Variants in KSR1 observed in about 807,000 individuals in gnomAD.
The protein encoded by KSR1 is kinase suppressor of ras.
In KSR1, 35 loss-of-function variants were observed where a neutral mutation model predicts 92.9. The ratio of observed to expected loss-of-function variants is 0.38; its 90% CI spans 0.29 to 0.50. The LOEUF is 0.50. Ranked by LOEUF, KSR1 falls within the 20% of genes least tolerant of loss-of-function variation. The pLI, the probability that KSR1 is intolerant of heterozygous loss-of-function variation, is 0.94. For missense variants in KSR1, 972 were observed against 1,158.5 expected (o/e 0.84, Z 2.34); for synonymous variants, 467 against 472.6 (o/e 0.99, Z 0.15).
chr17:27,509,391 C>T (rs576040889), intron 1 of KSR1, among the ~76,000 whole-genome samples: 62 of 151,882 alleles, frequency 4.1e-4, no homozygotes, highest in African/African-American at 1.3e-3. Flanking sequence ...CCCGGGTTCA[C>T]GCCATTCTCC....
At chr17:27,533,724 A>G (rs563222106) in intron 1 of KSR1, among the ~76,000 whole-genome samples, 1 of 152,282 alleles carries the variant, frequency 6.6e-6, no homozygotes, top group Non-Finnish European at 1.5e-5. Flanking sequence ...TCTGCCGTTG[A>G]ATCTATGGAT....
intron 1 of KSR1, among the ~76,000 whole-genome samples, chr17:27,485,718 G>T (rs1393140814): frequency 1.3e-5 from 2 of 152,234 alleles, no homozygotes; most frequent in South Asian, 2.1e-4. Flanking sequence ...CATCAATAGG[G>T]CTTGTGCACA....
chr17:27,559,458 T>C lies in KSR1; in HGVS notation c.372+8750T>C, dbSNP rs958209254. On this transcript the variant is annotated intron_variant, in intron 2 of 20. Transcript: ENST00000644974. The surrounding 1 kb of genome is among the most constrained non-coding windows in gnomAD (Gnocchi z 4.2). ...CAGTGTGGCAGCCCTTAGCCATATG[T>C]GGCTTGGGGACACTTGAAATGTGTA... Among the ~76,000 whole-genome samples, 4 of 152,260 alleles carry C rather than the reference T, an allele frequency of 2.6e-5. No individual in the cohort carries two copies. The highest frequency in any genetic ancestry group is 1.5e-5 in the Non-Finnish European group (1 of 68,042).
intron 18 of KSR1, among the ~76,000 whole-genome samples, chr17:27,614,870 A>G (rs983006627): frequency 2.6e-5 from 4 of 152,114 alleles, no homozygotes; most frequent in Non-Finnish European, 5.9e-5. Context: ...CCTTTTTAAC[A>G]CATTGCTATT....
chr17:27,540,483 GTT>G (rs2070919434), intron 1 of KSR1, among the ~76,000 whole-genome samples: 1 of 152,240 alleles, frequency 6.6e-6, no homozygotes, highest in Non-Finnish European at 1.5e-5. Context: ...CCGACTCTGA[GTT>G]TGACGTCAAG....
chr17:27,618,698 A>G (rs183805170), intron 19 of KSR1, among the ~76,000 whole-genome samples: 10 of 152,332 alleles, frequency 6.6e-5, no homozygotes, highest in Admixed American at 1.3e-4. Context: ...TTCACATGTC[A>G]TGAAATAGTC....
intron 2 of KSR1, among the ~76,000 whole-genome samples, chr17:27,568,724 G>A (rs375261016): frequency 2.6e-5 from 4 of 152,146 alleles, no homozygotes; most frequent in African/African-American, 7.2e-5. Context: ...TAGGATTACC[G>A]CATCCCAGTT....
At chr17:27,611,779 C>T in intron 18 of KSR1, 150 bp downstream of exon 18, 2 of 895,828 alleles carry the variant, frequency 2.2e-6, no homozygotes, top group Non-Finnish European at 3.4e-6. Flanking sequence ...AAATGATATG[C>T]ATTGCCCGGG....
chr17:27,484,393 G>A (rs1192974846), intron 1 of KSR1, among the ~76,000 whole-genome samples: 3 of 152,250 alleles, frequency 2.0e-5, no homozygotes, highest in Admixed American at 6.5e-5. Flanking sequence ...CACCATGCCC[G>A]GCTAATTTCT....
At chr17:27,465,907 T>C (rs1427748881) in intron 1 of KSR1, among the ~76,000 whole-genome samples, 1 of 151,932 alleles carries the variant, frequency 6.6e-6, no homozygotes, top group Admixed American at 6.6e-5. Context: ...TTAGGAGCTA[T>C]CTGGAGAGCT....
Position 27,507,563 on chromosome 17 carries a change from C to CTTTTT in KSR1, c.232-42979_232-42975dup, listed in dbSNP as rs751092460. Among the ~76,000 whole-genome samples the CTTTTT allele has an allele frequency of 5.3e-4, 23 of 43,326 alleles. 6 individuals carry two copies. The highest frequency in any genetic ancestry group is 1.4e-3 in the African/African-American group (16 of 11,298). 28.4% of individuals were successfully genotyped at this position (43,326 alleles called of 152,430 possible). ...GATCATTAAAATCTTTATTGTTTGG[C>CTTTTT]TTTTTTTTTTTTTTTTTTTTTTTTT... On this transcript the variant is annotated intron_variant, in intron 1 of 20. Coordinates refer to ENST00000644974, the MANE Select transcript of KSR1 (RefSeq NM_001394583.1).
intron 1 of KSR1, among the ~76,000 whole-genome samples, chr17:27,468,238 AT>A (rs942393415): frequency 8.0e-4 from 115 of 143,316 alleles, no homozygotes; most frequent in African/African-American, 1.1e-3. Context: ...GTGGCCAATT[AT>A]TTTTTTTTTT....
chr17:27,599,642 T>C (rs2073474910), intron 10 of KSR1, among the ~76,000 whole-genome samples: 1 of 152,238 alleles, frequency 6.6e-6, no homozygotes, highest in African/African-American at 2.4e-5. Context: ...TTGTAGACTT[T>C]ATAAACACTA....
chr17:27,563,014 C>A (rs567301673), intron 2 of KSR1, among the ~76,000 whole-genome samples: 20 of 152,308 alleles, frequency 1.3e-4, no homozygotes, highest in African/African-American at 4.6e-4. Flanking sequence ...TTCCTCAATG[C>A]CCACGTGGAA....
At chr17:27,539,310 G>A (rs946838493) in intron 1 of KSR1, among the ~76,000 whole-genome samples, 3 of 152,178 alleles carry the variant, frequency 2.0e-5, no homozygotes, top group Non-Finnish European at 2.9e-5. Flanking sequence ...GACACAGGCC[G>A]TGTTGATGAA....
At chr17:27,519,516 A>C (rs2069936969) in intron 1 of KSR1, among the ~76,000 whole-genome samples, 1 of 152,134 alleles carries the variant, frequency 6.6e-6, no homozygotes, top group Non-Finnish European at 1.5e-5. Flanking sequence ...TGACCTGGCC[A>C]TGGTGCGTTT....
chr17:27,593,862 G>A (rs917325830), intron 9 of KSR1, among the ~76,000 whole-genome samples: 2 of 152,220 alleles, frequency 1.3e-5, no homozygotes, highest in Non-Finnish European at 2.9e-5. Context: ...GATGTCTTGG[G>A]AAGGTCCACC....
At chr17:27,555,979 G>A (rs986312262) in intron 2 of KSR1, among the ~76,000 whole-genome samples, 4 of 152,142 alleles carry the variant, frequency 2.6e-5, no homozygotes, top group South Asian at 2.1e-4. Flanking sequence ...TCTGCGTGTT[G>A]TCTCTTTTGT....
Position 27,623,495 on chromosome 17 carries a change from G to A in KSR1, c.*103G>A. ...AAAAAAACACTGCCTGCCCAGCGCTGCAAACCAGGAGCACACGTCCTAGAT... is the reference window on the plus strand; with the variant it reads ...AAAAAAACACTGCCTGCCCAGCGCTACAAACCAGGAGCACACGTCCTAGAT... On this transcript the variant is annotated 3_prime_UTR_variant, in exon 21 of 21. Transcript: ENST00000644974. 1 of 698,174 alleles carries A rather than the reference G, an allele frequency of 1.4e-6. No homozygotes were observed. The allele number at this position is 698,174 out of a possible 1,614,324, so 43.2% of individuals were successfully genotyped here. A position where few individuals can be genotyped will look rare whatever the true frequency, so the allele number is the denominator to read the frequency against.
Sources: gnomAD v4.1 joint callset for allele counts (sites outside exome capture counted in the v4.1 genomes callset) on GRCh38, gnomAD v4.1.1 for gene constraint, Gnocchi (gnomAD v3.1) non-coding constraint, MANE v1.5 for transcripts, NCBI Gene and HGNC (gene_info 2026-07-23, HGNC 2026-07-21) for gene names.